The following ZNF275 variants were observed in gnomAD, a reference collection of about 807,000 sequenced individuals.
ZNF275 encodes zinc finger protein 275.
Under a neutral mutation model 4.3 loss-of-function variants are expected in ZNF275, and 4 were observed. The observed-to-expected ratio is 0.93, with a 90% CI of 0.46 to 2.13. ZNF275 has a LOEUF of 2.13. ZNF275 is among the 30% of genes most tolerant of loss of function. The pLI is 0.02. For synonymous variants in ZNF275, 173 were observed against 166.9 expected, an observed-to-expected ratio of 1.04 and a Z score of -0.28; for missense variants, 352 against 397.1, an observed-to-expected ratio of 0.89 and a Z score of 0.97.
rs2124216519 is a variant in ZNF275, at chrX:153,347,683, G to A, written c.998G>A (p.Ser333Asn). The change falls in exon 4 of 4, where the codon AGC (serine) becomes AAC (asparagine). Residue 333 changes from serine to asparagine, a missense_variant. Ser to Asn is a conservative substitution (Grantham distance 46). Transcript: ENST00000650114. ...CAGTGCGGCAAGGCCTTCCGCCAGA[G>A]CTCCAGCCTCCTGGAGCACGCACGC... ...CGQCGKAFRQ[S>N]SSLLEHARIH... is the part of the protein sequence containing the mutation. 8.3e-7 allele frequency: 1 copy of A among 1,206,848 alleles called. No homozygotes were observed. Among genetic ancestry groups the A allele is most frequent in the East Asian group, 3.0e-5 (1 of 33,572 alleles).
chrX:153,344,231 T>A (rs1556961286), intron 2 of ZNF275: 1 of 323,428 alleles, frequency 3.1e-6, no homozygotes. Flanking sequence ...TGCTTCCCTC[T>A]GCCTTGCTTG....
At position 153,351,632 on chromosome X, in the gene ZNF275, C is replaced by T. The variant is rs2088557137; in HGVS notation, c.*3657C>T. On this transcript the variant is annotated 3_prime_UTR_variant, in exon 4 of 4. Coordinates refer to ENST00000650114, the MANE Select transcript of ZNF275 (RefSeq NM_001367757.1). ...TCTTTTCCTACCATTTGAAAAAAATCCTCCATTGCTTTTATTAGAGTTTTG... is the reference window on the plus strand; with the variant it reads ...TCTTTTCCTACCATTTGAAAAAAATTCTCCATTGCTTTTATTAGAGTTTTG... 9.0e-6 allele frequency: 1 copy of T among 111,131 alleles called. No individual in the cohort carries two copies. The highest frequency in any genetic ancestry group is 1.9e-5 in the Non-Finnish European group (1 of 53,036). The allele number at this position is 111,131 out of a possible 1,213,427, so 9.2% of individuals were successfully genotyped here. A position where few individuals can be genotyped will look rare whatever the true frequency, so the allele number is the denominator to read the frequency against.
intron 2 of ZNF275, among the ~76,000 whole-genome samples, chrX:153,338,660 C>CTGTGTG (rs372399918): frequency 7.8e-5 from 6 of 76,615 alleles, no homozygotes; most frequent in Non-Finnish European, 1.3e-4. Context: ...CTTGGGAGGA[C>CTGTGTG]TGTGTGTGTG....
chrX:153,347,507 C>T lies in ZNF275; in HGVS notation c.822C>T (p.Phe274=). 2 of 1,199,352 alleles carry T rather than the reference C, an allele frequency of 1.7e-6. No individual in the cohort carries two copies. The highest frequency in any genetic ancestry group is 2.2e-6 in the Non-Finnish European group (2 of 889,126). Residue 274 remains phenylalanine, a synonymous_variant, in exon 4 of 4, where the codon TTC becomes TTT. Coordinates refer to ENST00000650114, the MANE Select transcript of ZNF275 (RefSeq NM_001367757.1). ...PFDCDDCGKS[F]RGVNGLAEHQ... ...ACTGCGACGACTGCGGCAAGTCCTT[C>T]CGAGGGGTCAACGGGCTGGCCGAGC...
rs1440088067 is a variant in ZNF275 at position 153,350,331 on chromosome X, A to G, written c.*2356A>G. The G allele has an allele frequency of 8.1e-6, 1 of 124,119 alleles. No homozygotes were observed. Among genetic ancestry groups the G allele is most frequent in the African/African-American group, 3.2e-5 (1 of 31,036 alleles). The allele number at this position is 124,119 out of a possible 1,213,427, so 10.2% of individuals were successfully genotyped here. A position where few individuals can be genotyped will look rare whatever the true frequency, so the allele number is the denominator to read the frequency against. On this transcript the variant is annotated 3_prime_UTR_variant, in exon 4 of 4. Coordinates refer to ENST00000650114, the MANE Select transcript of ZNF275 (RefSeq NM_001367757.1). ...GCACTGCCCTGGGCTATGATTTGCA[A>G]CAGCCATGCCCAGGAGGAGCACTAA... is the stretch of plus-strand genomic sequence containing the variant.
rs1176992916 is a variant in ZNF275 at position 153,334,187 on chromosome X, C to G, written c.-145C>G. The G allele has an allele frequency of 9.0e-6, 1 of 111,222 alleles. No individual in the cohort carries two copies. The highest frequency in any genetic ancestry group is 3.3e-5 in the African/African-American group (1 of 30,683). 9.2% of individuals were successfully genotyped at this position (111,222 alleles called of 1,213,427 possible). On this transcript the variant is annotated 5_prime_UTR_variant, in exon 1 of 4. Coordinates refer to ENST00000650114, the MANE Select transcript of ZNF275 (RefSeq NM_001367757.1). The stretch of plus-strand genomic sequence containing the variant: ...CCGCGGGGCTGTTAGCTCGGCTGGG[C>G]ACGGGCGGCTCCGTGGCGCTTCCTG...
At chrX:153,336,566 G>A in intron 1 of ZNF275, 68 bp from the exon 2 acceptor site, 1 of 761,763 alleles carries the variant, frequency 1.3e-6, no homozygotes, top group Non-Finnish European at 2.0e-6. Flanking sequence ...CCCAAAATGT[G>A]GGGGACATGT....
intron 3 of ZNF275, 30 bp downstream of exon 3, chrX:153,345,651 G>T: frequency 2.6e-6 from 3 of 1,143,142 alleles, no homozygotes; most frequent in Non-Finnish European, 2.4e-6. Context: ...GAGGAAATTG[G>T]GGGAGACCCA....
At chrX:153,337,276 C>T (rs906557729) in intron 2 of ZNF275, among the ~76,000 whole-genome samples, 1 of 111,626 alleles carries the variant, frequency 9.0e-6, no homozygotes, top group Non-Finnish European at 1.9e-5. Flanking sequence ...GCTATTTGTG[C>T]GATAAAATCA....
Position 153,342,186 on chromosome X carries a change from T to C in ZNF275, c.32-3334T>C, listed in dbSNP as rs1476300833. Among the ~76,000 whole-genome samples, 10 of 112,418 alleles carry C rather than the reference T, an allele frequency of 8.9e-5. No homozygotes were observed. In the East Asian group the frequency reaches 2.8e-3, roughly 31 times the overall value. ...TTGCTATGTCATCAAGTTCTCTAATTTTTTTGTGTGGTATCTAATCTGCTG... is the reference window on the plus strand; with the variant it reads ...TTGCTATGTCATCAAGTTCTCTAATCTTTTTGTGTGGTATCTAATCTGCTG... On this transcript the variant is annotated intron_variant, in intron 2 of 3. Transcript: ENST00000650114.
Position 153,347,455 on chromosome X carries a change from G to A in ZNF275, c.770G>A (p.Arg257His), listed in dbSNP as rs1556961755. The part of the protein sequence containing the change: ...LDRQELLKHQ[R>H]MHTGHLPFDC... ...CGCCAGGAGCTTCTCAAGCACCAGCGCATGCACACTGGCCACCTGCCCTTC... is the reference window on the plus strand; with the variant it reads ...CGCCAGGAGCTTCTCAAGCACCAGCACATGCACACTGGCCACCTGCCCTTC... The change falls in exon 4 of 4, where the codon CGC (arginine) becomes CAC (histidine). Residue 257 changes from arginine to histidine, a missense_variant. By Grantham distance (29) the Arg-to-His change is conservative. Coordinates refer to ENST00000650114, the MANE Select transcript of ZNF275 (RefSeq NM_001367757.1). The A allele has an allele frequency of 1.7e-6, 2 of 1,209,400 alleles. No individual in the cohort carries two copies. Among genetic ancestry groups the A allele is most frequent in the Non-Finnish European group, 1.1e-6 (1 of 893,913 alleles).
chrX:153,347,197 G>T lies in ZNF275; in HGVS notation c.512G>T (p.Arg171Met). ...GCCCTGGAGAATGCCGCGGAGAAGA[G>T]GGAGCAGATGGAGAGGGAGGCAAAG... ...SRALENAAEK[R>M]EQMEREAKPF... is the part of the protein sequence containing the mutation. Residue 171 changes from arginine to methionine, a missense_variant, in exon 4 of 4, where the codon AGG becomes ATG. Arg to Met is a moderately conservative substitution (Grantham distance 91). Coordinates refer to ENST00000650114, the MANE Select transcript of ZNF275 (RefSeq NM_001367757.1). The T allele has an allele frequency of 9.1e-6, 11 of 1,210,340 alleles. No individual in the cohort carries two copies. Among genetic ancestry groups the T allele is most frequent in the Non-Finnish European group, 1.2e-5 (11 of 894,484 alleles).
intron 2 of ZNF275, among the ~76,000 whole-genome samples, chrX:153,341,763 T>C (rs1245033900): frequency 8.9e-6 from 1 of 112,679 alleles, no homozygotes; most frequent in African/African-American, 3.2e-5. Flanking sequence ...AAAAATGTCA[T>C]GCACTGGTTT....
Position 153,347,649 on chromosome X carries a change from G to A in ZNF275, c.964G>A (p.Ala322Thr), listed in dbSNP as rs1405792288. The part of the protein sequence containing the change: ...RRIHTGEKPY[A>T]CGQCGKAFRQ... ...GATCCACACGGGCGAGAAGCCCTAC[G>A]CCTGCGGCCAGTGCGGCAAGGCCTT... is the stretch of plus-strand genomic sequence containing the variant. Residue 322 changes from alanine to threonine, a missense_variant, in exon 4 of 4, where the codon GCC becomes ACC. Transcript: ENST00000650114. The A allele has an allele frequency of 4.2e-6, 5 of 1,204,056 alleles. No individual in the cohort carries two copies. Among genetic ancestry groups the A allele is most frequent in the Admixed American group, 2.2e-5 (1 of 45,574 alleles).
chrX:153,349,320 G>A lies in ZNF275; in HGVS notation c.*1345G>A, dbSNP rs1556962063. On this transcript the variant is annotated 3_prime_UTR_variant, in exon 4 of 4. Transcript: ENST00000650114. Reference sequence around the variant, plus strand: ...CATTGTCATTGTCATAGTTATTGCCGTCATTCTGTGGCTTGTCAATTCCAG... The same window carrying A: ...CATTGTCATTGTCATAGTTATTGCCATCATTCTGTGGCTTGTCAATTCCAG... The A allele has an allele frequency of 1.6e-5, 2 of 123,987 alleles. No homozygotes were observed. Among genetic ancestry groups the A allele is most frequent in the Non-Finnish European group, 1.9e-5 (1 of 53,409 alleles). 10.2% of individuals were successfully genotyped at this position (123,987 alleles called of 1,213,427 possible). A position where few individuals can be genotyped will look rare whatever the true frequency, so the allele number is the denominator to read the frequency against.
intron 3 of ZNF275, 76 bp from the exon 4 acceptor site, chrX:153,346,743 A>G: frequency 2.8e-6 from 3 of 1,053,083 alleles, no homozygotes; most frequent in Non-Finnish European, 3.8e-6. Flanking sequence ...CAGAAAGAAA[A>G]AGATTCTTGA....
Position 153,347,407 on chromosome X carries a change from C to A in ZNF275, c.722C>A (p.Ala241Glu), listed in dbSNP as rs372388369. 1.7e-6 allele frequency: 2 copies of A among 1,211,027 alleles called. No individual in the cohort carries two copies. Among genetic ancestry groups the A allele is most frequent in the East Asian group, 5.9e-5 (2 of 33,766 alleles). Residue 241 changes from alanine to glutamate, a missense_variant, in exon 4 of 4, where the codon GCG becomes GAG. Coordinates refer to ENST00000650114, the MANE Select transcript of ZNF275 (RefSeq NM_001367757.1). ...TCGGAAAAGCCTTTCGCCTGCAAGGCGTGCAGCAGGGATTTCCTGGATCGC... is the reference window on the plus strand; with the variant it reads ...TCGGAAAAGCCTTTCGCCTGCAAGGAGTGCAGCAGGGATTTCCTGGATCGC... Reference protein sequence around the residue: ...HTSEKPFACKACSRDFLDRQE... With the variant: ...HTSEKPFACKECSRDFLDRQE...
intron 2 of ZNF275, chrX:153,344,164 C>G: frequency 6.0e-6 from 2 of 330,796 alleles, no homozygotes. Context: ...AGGATGGAGC[C>G]CCAGGAAACC....
At chrX:153,346,350 C>T (rs1229577005) in intron 3 of ZNF275, among the ~76,000 whole-genome samples, 5 of 104,254 alleles carry the variant, frequency 4.8e-5, no homozygotes, top group African/African-American at 1.4e-4. Context: ...TTTGGAGATT[C>T]GGGTTATGTT....
Sources: gnomAD v4.1 joint callset for allele counts (sites outside exome capture counted in the v4.1 genomes callset) on GRCh38, gnomAD v4.1.1 for gene constraint, MANE v1.5 for transcripts, NCBI Gene and HGNC (gene_info 2026-07-23, HGNC 2026-07-21) for gene names.